Variants in UTRN observed in about 807,000 individuals in gnomAD.
UTRN encodes the protein dystrophin-related protein 1.
In UTRN, 283 loss-of-function variants were observed where a neutral mutation model predicts 463.9. That is an observed-to-expected ratio of 0.61 (90% CI 0.55 to 0.67). UTRN has a LOEUF of 0.67. UTRN is among the 30% of genes least tolerant of loss of function. UTRN has a pLI of 0.00. For missense variants in UTRN, 3,922 were observed against 4,084.3 expected (o/e 0.96, Z 1.08); for synonymous variants, 1,442 against 1,431.5 (o/e 1.01, Z -0.17).
intron 2 of UTRN, among the ~76,000 whole-genome samples, chr6:144,345,030 T>A (rs1777449121): frequency 6.6e-6 from 1 of 152,236 alleles, no homozygotes; most frequent in South Asian, 2.1e-4. Context: ...GTGATGTGTT[T>A]TATTCGATCA....
chr6:144,430,248 A>G (rs1785677597), intron 9 of UTRN, among the ~76,000 whole-genome samples: 1 of 152,132 alleles, frequency 6.6e-6, no homozygotes, highest in African/African-American at 2.4e-5. Flanking sequence ...TGAGCTTTTC[A>G]TGAAGGGATT....
At chr6:144,519,110 G>T (rs1330223259) in intron 39 of UTRN, among the ~76,000 whole-genome samples, 20 of 152,030 alleles carry the variant, frequency 1.3e-4, no homozygotes, top group Non-Finnish European at 1.2e-4. Context: ...TTTCCAATTT[G>T]TTTACTAGAG....
chr6:144,451,748 G>C (rs1455687228), intron 18 of UTRN, among the ~76,000 whole-genome samples: 2 of 151,618 alleles, frequency 1.3e-5, no homozygotes, highest in Non-Finnish European at 2.9e-5. Context: ...TTCTTATGGT[G>C]ATCCAGTTAG....
chr6:144,679,732 T>A (rs1782017621), intron 52 of UTRN, among the ~76,000 whole-genome samples: 1 of 152,180 alleles, frequency 6.6e-6, no homozygotes, highest in South Asian at 2.1e-4. Context: ...CAAGATTTAA[T>A]GGAGAACAGA....
At chr6:144,500,960 AG>A (rs1794118539) in intron 34 of UTRN, among the ~76,000 whole-genome samples, 1 of 152,162 alleles carries the variant, frequency 6.6e-6, no homozygotes, top group Admixed American at 6.5e-5. Flanking sequence ...TAAAGCCACA[AG>A]TATCAGTTTG....
intron 13 of UTRN, among the ~76,000 whole-genome samples, chr6:144,443,987 A>G (rs1343352434): frequency 6.6e-6 from 1 of 152,140 alleles, no homozygotes; most frequent in African/African-American, 2.4e-5. Context: ...ATATTCTCAT[A>G]AAAACCACAA....
At chr6:144,727,861 A>G (rs1788058722) in intron 53 of UTRN, among the ~76,000 whole-genome samples, 1 of 152,150 alleles carries the variant, frequency 6.6e-6, no homozygotes, top group South Asian at 2.1e-4. Context: ...AGGCCAAGGC[A>G]GGTGGATCAC....
intron 58 of UTRN, among the ~76,000 whole-genome samples, chr6:144,762,599 G>A (rs1360124643): frequency 3.3e-5 from 5 of 152,156 alleles, no homozygotes; most frequent in East Asian, 1.9e-4. Context: ...TCTGGTAATG[G>A]ACAAAGGTGC....
chr6:144,531,343 TA>T, intron 42 of UTRN, 141 bp downstream of exon 42: 1 of 914,228 alleles, frequency 1.1e-6, no homozygotes, highest in Non-Finnish European at 1.5e-6. Context: ...CAATTCTTGT[TA>T]CCAGTTATAA....
chr6:144,361,787 G>A (rs937411650), intron 2 of UTRN, among the ~76,000 whole-genome samples: 3 of 73,544 alleles, frequency 4.1e-5, no homozygotes, highest in African/African-American at 2.2e-4. Context: ...TTTTTTTTTT[G>A]TAGAGATGGG....
At chr6:144,739,245 G>T (rs1276694981) in intron 54 of UTRN, among the ~76,000 whole-genome samples, 1 of 151,984 alleles carries the variant, frequency 6.6e-6, no homozygotes, top group East Asian at 1.9e-4. Flanking sequence ...GTGATACAAC[G>T]AAGAATTTAT....
intron 51 of UTRN, among the ~76,000 whole-genome samples, chr6:144,577,976 G>T (rs549002851): frequency 7.9e-5 from 12 of 152,128 alleles, no homozygotes; most frequent in Admixed American, 3.3e-4. Flanking sequence ...GCCAAGGTGC[G>T]TAGGTCACCT....
intron 52 of UTRN, among the ~76,000 whole-genome samples, chr6:144,688,841 C>G (rs1783024327): frequency 6.6e-6 from 1 of 152,154 alleles, no homozygotes; most frequent in South Asian, 2.1e-4. Flanking sequence ...TTGAACAGTT[C>G]AGGTTTCAGG....
At chr6:144,378,333 G>A (rs1353710048) in intron 2 of UTRN, among the ~76,000 whole-genome samples, 4 of 152,200 alleles carry the variant, frequency 2.6e-5, no homozygotes, top group African/African-American at 9.7e-5. Flanking sequence ...TTGACAACCT[G>A]TATTGGGAAC....
intron 33 of UTRN, 49 bp downstream of exon 33, chr6:144,493,505 C>T (rs1359962216): frequency 6.5e-6 from 10 of 1,549,830 alleles, no homozygotes; most frequent in Non-Finnish European, 7.9e-6. Flanking sequence ...CTCTCTCTCT[C>T]TCTCAATCTC....
At chr6:144,706,339 C>G (rs1319734355) in intron 53 of UTRN, among the ~76,000 whole-genome samples, 1 of 151,122 alleles carries the variant, frequency 6.6e-6, no homozygotes, top group Non-Finnish European at 1.5e-5. Context: ...TTGTCAATTA[C>G]TGGACTGAAA....
At chr6:144,425,470 G>A (rs1051984114) in intron 6 of UTRN, among the ~76,000 whole-genome samples, 1 of 152,016 alleles carries the variant, frequency 6.6e-6, no homozygotes, top group Non-Finnish European at 1.5e-5. Flanking sequence ...CAAACTTTTA[G>A]CACCCGTTCA....
intron 63 of UTRN, among the ~76,000 whole-genome samples, chr6:144,795,087 G>T (rs577856076): frequency 2.0e-5 from 3 of 152,036 alleles, no homozygotes; most frequent in South Asian, 2.1e-4. Context: ...TGTTCTCATT[G>T]TTCAACTCTC....
chr6:144,846,066 C>T (rs73779043), intron 73 of UTRN, among the ~76,000 whole-genome samples: 11,462 of 151,938 alleles, frequency 0.075, 1,147 homozygotes, highest in African/African-American at 0.23. Context: ...GCATTGAGAA[C>T]GAGATGATCA....
Sources: gnomAD v4.1 joint callset for allele counts (sites outside exome capture counted in the v4.1 genomes callset) on GRCh38, gnomAD v4.1.1 for gene constraint, MANE v1.5 for transcripts, NCBI Gene and HGNC (gene_info 2026-07-23, HGNC 2026-07-21) for gene names.